The following DOCK2 variants were observed in gnomAD, a reference collection of about 807,000 sequenced individuals.
DOCK2 encodes dedicator of cytokinesis 2.
Under a neutral mutation model 248.9 loss-of-function variants are expected in DOCK2, and 87 were observed. The observed-to-expected ratio is 0.35, with a 90% CI of 0.29 to 0.42. The LOEUF (loss-of-function observed/expected upper bound fraction) is 0.42, where lower values mean the gene tolerates loss of function less well. DOCK2 is among the 10% of genes least tolerant of loss of function. The pLI is 1.00. For missense variants in DOCK2, 1,747 were observed against 2,300.2 expected, an observed-to-expected ratio of 0.76 and a Z score of 4.92; for synonymous variants, 805 against 821.6, an observed-to-expected ratio of 0.98 and a Z score of 0.35.
At chr5:169,687,322 C>T (rs939138025) in intron 8 of DOCK2, among the ~76,000 whole-genome samples, 2 of 152,130 alleles carry the variant, frequency 1.3e-5, no homozygotes, top group African/African-American at 4.8e-5. Flanking sequence ...ATGAAAAGAT[C>T]CACTTAACTT....
At position 169,943,769 on chromosome 5, in the gene DOCK2, A is replaced by G. The variant is rs559217306; in HGVS notation, c.2800-39299A>G. Among the ~76,000 whole-genome samples the G allele has an allele frequency of 8.1e-4, 123 of 152,256 alleles. No individual in the cohort carries two copies. The Middle Eastern group carries it at 0.01, about 13-fold the overall frequency. On this transcript the variant is annotated intron_variant, in intron 27 of 51. Coordinates refer to ENST00000520908, the MANE Select transcript of DOCK2 (RefSeq NM_004946.3). ...CCCTTCCCAGGCCTACTGATTCAGA[A>G]CAGTTGACGGTAGGGTCCAGGGACC...
chr5:169,711,870 AG>A (rs1170244206), intron 15 of DOCK2, 64 bp from the exon 16 acceptor site: 36 of 1,561,418 alleles, frequency 2.3e-5, no homozygotes, highest in Non-Finnish European at 3.2e-5. Context: ...GGAAGTGTGT[AG>A]GGGGGTGCAG....
At chr5:169,762,782 C>A (rs933834056) in intron 25 of DOCK2, among the ~76,000 whole-genome samples, 1 of 152,136 alleles carries the variant, frequency 6.6e-6, no homozygotes, top group Admixed American at 6.5e-5. Context: ...TAATAAAATG[C>A]GAAGCAAACT....
rs146530031 is a variant in DOCK2 at position 169,681,792 on chromosome 5, G to A, written c.519G>A (p.Leu173=). 4.3e-5 allele frequency: 69 copies of A among 1,613,572 alleles called. 1 individual carries two copies. In the East Asian group the frequency reaches 1.5e-3, roughly 34 times the overall value. ...LIVRDEDGNI[L]DPDNTSVISL... is the part of the protein sequence containing the mutation. ...TCAGAGATGAAGACGGAAATATCTT[G>A]GACCCTGATAATACCAGTGTCATCA... The change falls in exon 7 of 52, where the codon TTG becomes TTA. Residue 173 remains leucine (L), a synonymous_variant. Transcript: ENST00000520908.
chr5:169,790,678 A>C (rs1466049633), intron 25 of DOCK2, among the ~76,000 whole-genome samples: 1 of 152,232 alleles, frequency 6.6e-6, no homozygotes, highest in African/African-American at 2.4e-5. Context: ...TTGGACTGAA[A>C]AACTTCTGCA....
chr5:169,883,363 C>T, intron 27 of DOCK2: 1 of 1,551,720 alleles, frequency 6.4e-7, no homozygotes, highest in Non-Finnish European at 8.7e-7. Flanking sequence ...AGGACCATTG[C>T]TTTGCACCTT....
intron 1 of DOCK2, among the ~76,000 whole-genome samples, chr5:169,641,847 G>A (rs1048581123): frequency 6.6e-6 from 1 of 152,210 alleles, no homozygotes; most frequent in Non-Finnish European, 1.5e-5. Flanking sequence ...AGCATCCACT[G>A]AATCTTCTCT....
intron 27 of DOCK2, among the ~76,000 whole-genome samples, chr5:169,853,437 A>C (rs906209029): frequency 6.6e-6 from 1 of 152,348 alleles, no homozygotes; most frequent in Admixed American, 6.5e-5. Context: ...TTCAAAATCA[A>C]AACCCATTTT....
At chr5:170,007,960 T>G (rs1367921528) in intron 30 of DOCK2, among the ~76,000 whole-genome samples, 1 of 152,194 alleles carries the variant, frequency 6.6e-6, no homozygotes, top group Non-Finnish European at 1.5e-5. Context: ...AACCACACTT[T>G]GAAACTATTC....
intron 34 of DOCK2, among the ~76,000 whole-genome samples, chr5:170,032,038 T>C (rs1756155752): frequency 6.6e-6 from 1 of 151,564 alleles, no homozygotes; most frequent in Non-Finnish European, 1.5e-5. Context: ...TTTTTTTTTT[T>C]TTTTTTGAGA....
chr5:169,644,607 T>C (rs1372282934), intron 1 of DOCK2, among the ~76,000 whole-genome samples: 1 of 152,028 alleles, frequency 6.6e-6, no homozygotes, highest in Non-Finnish European at 1.5e-5. Context: ...CCTTACCTTT[T>C]GTACCACGGT....
chr5:169,762,700 G>T (rs1238048881), intron 25 of DOCK2, among the ~76,000 whole-genome samples: 3 of 152,128 alleles, frequency 2.0e-5, no homozygotes, highest in Non-Finnish European at 4.4e-5. Flanking sequence ...ACTTTTCAGG[G>T]TCAGTACTTT....
At chr5:169,661,311 A>G in intron 2 of DOCK2, among the ~76,000 whole-genome samples, 1 of 152,194 alleles carries the variant, frequency 6.6e-6, no homozygotes, top group East Asian at 1.9e-4. Context: ...CTCTTTAAAA[A>G]TTTTTTTAAT....
At chr5:169,864,966 C>T (rs114852169) in intron 27 of DOCK2, among the ~76,000 whole-genome samples, 2,158 of 152,238 alleles carry the variant, frequency 0.014, 25 homozygotes, top group Non-Finnish European at 0.02. Context: ...GCCTGGCGTG[C>T]GCTAAGTCCT....
At chr5:169,753,586 G>A (rs564459209) in intron 23 of DOCK2, among the ~76,000 whole-genome samples, 1 of 152,298 alleles carries the variant, frequency 6.6e-6, no homozygotes, top group African/African-American at 2.4e-5. Context: ...AATTTTGGCT[G>A]TGTAAGTCCA....
chr5:169,760,496 T>C (rs1177319472), intron 24 of DOCK2, among the ~76,000 whole-genome samples: 2 of 152,200 alleles, frequency 1.3e-5, no homozygotes, highest in Non-Finnish European at 2.9e-5. Context: ...CTCTGGACTT[T>C]ATTCAGATGT....
intron 27 of DOCK2, among the ~76,000 whole-genome samples, chr5:169,967,550 A>T (rs780970402): frequency 6.6e-6 from 1 of 152,232 alleles, no homozygotes; most frequent in Non-Finnish European, 1.5e-5. Flanking sequence ...GGACCAGGTC[A>T]TGCAGGGAAC....
chr5:169,706,889 G>A (rs569777094), intron 14 of DOCK2, among the ~76,000 whole-genome samples: 2 of 152,166 alleles, frequency 1.3e-5, no homozygotes, highest in South Asian at 4.1e-4. Context: ...GGTTAGCATG[G>A]TTGGCCAGGG....
intron 32 of DOCK2, among the ~76,000 whole-genome samples, chr5:170,010,789 C>T (rs993262736): frequency 1.3e-5 from 2 of 152,178 alleles, no homozygotes; most frequent in African/African-American, 4.8e-5. Context: ...GGGCTTCCTT[C>T]CCCAGCTCGA....
Sources: gnomAD v4.1 joint callset for allele counts (sites outside exome capture counted in the v4.1 genomes callset) on GRCh38, gnomAD v4.1.1 for gene constraint, MANE v1.5 for transcripts, NCBI Gene and HGNC (gene_info 2026-07-23, HGNC 2026-07-21) for gene names.